PTPRQ: variants seen among roughly 807,000 people sequenced by gnomAD.
PTPRQ encodes the protein phosphatidylinositol phosphatase PTPRQ.
In PTPRQ, 199 loss-of-function variants were observed where a neutral mutation model predicts 246.0. The observed-to-expected ratio is 0.81, with a 90% CI of 0.72 to 0.91. PTPRQ has a LOEUF of 0.91. Ranked by LOEUF, PTPRQ falls within the 40% of genes least tolerant of loss-of-function variation. The pLI is 0.00. For synonymous variants in PTPRQ, 869 were observed against 853.2 expected (o/e 1.02, Z -0.32); for missense variants, 2,624 against 2,528.4 (o/e 1.04, Z -0.81).
intron 25 of PTPRQ, among the ~76,000 whole-genome samples, chr12:80,587,458 A>G (rs1276240028): frequency 6.6e-6 from 1 of 152,170 alleles, no homozygotes; most frequent in African/African-American, 2.4e-5. Flanking sequence ...CTGTCTCTTG[A>G]AAACAGGACA....
Position 80,493,242 on chromosome 12 carries a change from A to T in PTPRQ, c.1360-33A>T, listed in dbSNP as rs1364379451. On this transcript the variant is annotated intron_variant, in intron 9 of 44. Transcript: ENST00000644991. ...ATTTAAGTCATGAAGTGTAACTGTC[A>T]CAGTCTTTTAAAATATCTACTTTTA... 5.0e-6 allele frequency: 7 copies of T among 1,399,112 alleles called. No individual in the cohort carries two copies. In the African/African-American group the frequency reaches 1.0e-4, roughly 21 times the overall value. The allele number at this position is 1,399,112 out of a possible 1,614,324, so 86.7% of individuals were successfully genotyped here. A position where few individuals can be genotyped will look rare whatever the true frequency, so the allele number is the denominator to read the frequency against.
chr12:80,460,953 G>A, intron 6 of PTPRQ, 51 bp downstream of exon 6: 3 of 398,488 alleles, frequency 7.5e-6, no homozygotes, highest in East Asian at 3.6e-5. Context: ...AGAGAATAAT[G>A]TTTAATTTAT....
At chr12:80,495,973 A>G in intron 12 of PTPRQ, 26 bp from the exon 13 acceptor site, 2 of 1,541,384 alleles carry the variant, frequency 1.3e-6, no homozygotes, top group Non-Finnish European at 1.7e-6. Context: ...TAAGGACATT[A>G]AACAGTTTGT....
At position 80,541,552 on chromosome 12, in the gene PTPRQ, T is replaced by C. The variant is rs1329781609; in HGVS notation, c.3155-3T>C. ...TTTGTATTTTGCCCATTACCTATCATAGTACCTGAAGGGTTTGTTGGAAAC... is the reference window on the plus strand; with the variant it reads ...TTTGTATTTTGCCCATTACCTATCACAGTACCTGAAGGGTTTGTTGGAAAC... On this transcript the variant is annotated splice_region_variant and splice_polypyrimidine_tract_variant and intron_variant, in intron 20 of 44. Coordinates refer to ENST00000644991, the MANE Select transcript of PTPRQ (RefSeq NM_001145026.2). 3.4e-6 allele frequency: 5 copies of C among 1,492,086 alleles called. No individual in the cohort carries two copies. In the Admixed American group the frequency reaches 9.2e-5, roughly 28 times the overall value. 92.4% of individuals were successfully genotyped at this position (1,492,086 alleles called of 1,614,324 possible).
At chr12:80,568,747 C>T (rs1013293782) in intron 25 of PTPRQ, among the ~76,000 whole-genome samples, 3 of 152,188 alleles carry the variant, frequency 2.0e-5, no homozygotes, top group Non-Finnish European at 4.4e-5. Context: ...ACACAATTTT[C>T]TCCCTGTGCA....
chr12:80,645,122 A>G (rs1394289426), intron 35 of PTPRQ, among the ~76,000 whole-genome samples: 1 of 152,128 alleles, frequency 6.6e-6, no homozygotes, highest in Non-Finnish European at 1.5e-5. Context: ...AAAGAGTGAT[A>G]CAAAAGAAAA....
At chr12:80,479,299 T>G (rs1178629494) in intron 8 of PTPRQ, among the ~76,000 whole-genome samples, 1 of 148,832 alleles carries the variant, frequency 6.7e-6, no homozygotes, top group African/African-American at 2.5e-5. Context: ...GAAGGAGAAA[T>G]AAAATACTTT....
chr12:80,657,665 G>A (rs192910965), intron 38 of PTPRQ, among the ~76,000 whole-genome samples: 61 of 151,602 alleles, frequency 4.0e-4, no homozygotes, highest in Non-Finnish European at 7.2e-4. Flanking sequence ...ACATATCTTT[G>A]TTTATGCTGA....
Position 80,539,761 on chromosome 12 carries a change from G to A in PTPRQ, c.2986-15G>A, listed in dbSNP as rs1896095283. 2.0e-6 allele frequency: 3 copies of A among 1,517,100 alleles called. No individual in the cohort carries two copies. Among genetic ancestry groups the A allele is most frequent in the Admixed American group, 2.3e-5 (1 of 44,226 alleles). 94.0% of individuals were successfully genotyped at this position (1,517,100 alleles called of 1,614,324 possible). A position where few individuals can be genotyped will look rare whatever the true frequency, so the allele number is the denominator to read the frequency against. The stretch of plus-strand genomic sequence containing the variant: ...AAAAAATACATTCTGAACAATGAAT[G>A]TGTTTATTTTTCAGAATTTTACACT... On this transcript the variant is annotated splice_polypyrimidine_tract_variant and intron_variant, in intron 19 of 44. Coordinates refer to ENST00000644991, the MANE Select transcript of PTPRQ (RefSeq NM_001145026.2).
intron 22 of PTPRQ, 83 bp downstream of exon 22, chr12:80,542,447 A>G (rs774589031): frequency 4.1e-5 from 60 of 1,468,400 alleles, no homozygotes; most frequent in Non-Finnish European, 5.3e-5. Context: ...ATGGAATATG[A>G]AAGGATATCT....
intron 9 of PTPRQ, among the ~76,000 whole-genome samples, chr12:80,490,268 A>T (rs913031764): frequency 6.6e-6 from 1 of 152,046 alleles, no homozygotes; most frequent in Non-Finnish European, 1.5e-5. Flanking sequence ...ATATAGAAGC[A>T]TTTCTTAAGA....
intron 39 of PTPRQ, 38 bp from the exon 40 acceptor site, chr12:80,668,969 A>G: frequency 2.6e-6 from 4 of 1,519,502 alleles, no homozygotes; most frequent in Non-Finnish European, 3.5e-6. Flanking sequence ...TGTATCTGTG[A>G]ACACAGTGAT....
intron 39 of PTPRQ, among the ~76,000 whole-genome samples, chr12:80,658,931 G>A (rs11114549): frequency 0.086 from 13,025 of 151,778 alleles, 734 homozygotes; most frequent in South Asian, 0.18. Flanking sequence ...TTTCTCCAAC[G>A]TCAAACATAC....
rs138758417 is a variant in PTPRQ, at chr12:80,523,315, C to G, written c.2679-10700C>G. ...TTTGTTGATCTTTTCAAAAAACCAG[C>G]TCCTGGATTCATTGATTTTTTTGAA... is the stretch of plus-strand genomic sequence containing the variant. On this transcript the variant is annotated intron_variant, in intron 17 of 44. Transcript: ENST00000644991. Among the ~76,000 whole-genome samples, 1,243 of 152,242 alleles carry G rather than the reference C, an allele frequency of 8.2e-3. 15 individuals are homozygous for G. Among genetic ancestry groups the G allele is most frequent in the African/African-American group, 0.029 (1,184 of 41,536 alleles).
chr12:80,576,093 A>G (rs1001769064), intron 25 of PTPRQ, among the ~76,000 whole-genome samples: 2 of 151,996 alleles, frequency 1.3e-5, no homozygotes, highest in African/African-American at 4.8e-5. Flanking sequence ...TTACAGTCAG[A>G]ACTCCTTGTG....
intron 9 of PTPRQ, among the ~76,000 whole-genome samples, chr12:80,490,175 T>C (rs1894402325): frequency 6.6e-6 from 1 of 152,000 alleles, no homozygotes; most frequent in Non-Finnish European, 1.5e-5. Context: ...TTCAGAAAAT[T>C]TCCCAGCATA....
At chr12:80,491,691 T>C (rs1351976812) in intron 9 of PTPRQ, among the ~76,000 whole-genome samples, 1 of 151,972 alleles carries the variant, frequency 6.6e-6, no homozygotes, top group Non-Finnish European at 1.5e-5. Flanking sequence ...GAAGAATTAA[T>C]ATTTAAGTAA....
At chr12:80,616,330 A>T in intron 30 of PTPRQ, 64 bp downstream of exon 30, 1 of 1,405,632 alleles carries the variant, frequency 7.1e-7, no homozygotes, top group Non-Finnish European at 9.4e-7. Context: ...TAAATTCCAT[A>T]CTTGAAATAA....
chr12:80,488,952 C>A (rs975114740), intron 9 of PTPRQ, among the ~76,000 whole-genome samples: 1 of 152,008 alleles, frequency 6.6e-6, no homozygotes, highest in Non-Finnish European at 1.5e-5. Flanking sequence ...TGTATCTGAT[C>A]TATAACATTC....
Sources: gnomAD v4.1 joint callset for allele counts (sites outside exome capture counted in the v4.1 genomes callset) on GRCh38, gnomAD v4.1.1 for gene constraint, MANE v1.5 for transcripts, NCBI Gene and HGNC (gene_info 2026-07-23, HGNC 2026-07-21) for gene names.